Variants in HIVEP3 observed in about 807,000 individuals in gnomAD.
The protein encoded by HIVEP3 is transcription factor HIVEP3.
A neutral mutation model predicts 152.8 loss-of-function variants in HIVEP3; 49 were observed. The observed-to-expected ratio is 0.32, with a 90% confidence interval of 0.26 to 0.41. HIVEP3 has a LOEUF of 0.41. Among genes scored for constraint, HIVEP3 ranks in the 10% least tolerant of loss-of-function variants. The pLI is 1.00. For synonymous variants in HIVEP3, 1,269 were observed against 1,289.0 expected, an observed-to-expected ratio of 0.98 and a Z score of 0.33; for missense variants, 2,790 against 3,103.3, an observed-to-expected ratio of 0.90 and a Z score of 2.40.
chr1:41,959,918 G>A (rs1016407775), intron 1 of HIVEP3, among the ~76,000 whole-genome samples: 1 of 152,140 alleles, frequency 6.6e-6, no homozygotes, highest in Non-Finnish European at 1.5e-5. Context: ...TGGCAAGGGG[G>A]TATGACCATG....
chr1:41,807,939 G>A (rs1025025771), intron 1 of HIVEP3, among the ~76,000 whole-genome samples: 2 of 152,142 alleles, frequency 1.3e-5, no homozygotes, highest in Admixed American at 1.3e-4. Context: ...CTGTGAAGGA[G>A]GCACTCAGCA....
intron 1 of HIVEP3, among the ~76,000 whole-genome samples, chr1:41,967,264 C>T (rs1412243997): frequency 6.6e-6 from 1 of 152,184 alleles, no homozygotes; most frequent in Non-Finnish European, 1.5e-5. Flanking sequence ...CCCCACATGT[C>T]ACTTACTCTA....
chr1:41,577,783 C>T (rs1445237856), intron 4 of HIVEP3, among the ~76,000 whole-genome samples: 2 of 152,130 alleles, frequency 1.3e-5, no homozygotes, highest in Non-Finnish European at 2.9e-5. Flanking sequence ...AATTGGACTG[C>T]ATCATGAGAT....
intron 1 of HIVEP3, among the ~76,000 whole-genome samples, chr1:41,966,475 C>CTTT (rs58470482): frequency 0.017 from 1,622 of 95,790 alleles, 153 homozygotes; most frequent in African/African-American, 0.062. Context: ...GTGCTGTATT[C>CTTT]TTTTTTTTTT....
chr1:41,589,777 G>A (rs1230378202), intron 3 of HIVEP3, among the ~76,000 whole-genome samples: 4 of 152,198 alleles, frequency 2.6e-5, no homozygotes, highest in African/African-American at 9.7e-5. Context: ...CCCCAGGCTG[G>A]TGGGGCTTAA....
At chr1:41,975,581 A>C (rs1300004020) in intron 1 of HIVEP3, among the ~76,000 whole-genome samples, 1 of 152,250 alleles carries the variant, frequency 6.6e-6, no homozygotes, top group Non-Finnish European at 1.5e-5. Flanking sequence ...TTGGAAGTAC[A>C]AAAAACTTGA....
intron 1 of HIVEP3, among the ~76,000 whole-genome samples, chr1:41,887,800 C>T (rs1644369695): frequency 6.6e-6 from 1 of 152,180 alleles, no homozygotes; most frequent in African/African-American, 2.4e-5. Flanking sequence ...TGGTTTGATT[C>T]TTCTGGGTGT....
At chr1:41,826,742 G>C (rs1642816292) in intron 1 of HIVEP3, among the ~76,000 whole-genome samples, 1 of 152,194 alleles carries the variant, frequency 6.6e-6, no homozygotes, top group East Asian at 1.9e-4. Flanking sequence ...GTTGTGAGTT[G>C]TCTTACAGTT....
intron 3 of HIVEP3, among the ~76,000 whole-genome samples, chr1:41,605,183 G>GAGGGGAGGGAAGGGA (rs1644802714): frequency 1.7e-5 from 2 of 115,644 alleles, no homozygotes; most frequent in African/African-American, 6.4e-5. Flanking sequence ...GAGGGGAGGG[G>GAGGGGAGGGAAGGGA]AGGGAAGGGA....
intron 1 of HIVEP3, among the ~76,000 whole-genome samples, chr1:41,928,415 A>G (rs12085901): frequency 0.058 from 8,825 of 152,266 alleles, 801 homozygotes; most frequent in African/African-American, 0.19. Context: ...TAAAGATTGT[A>G]CAAGTTCCCA....
chr1:41,986,084 G>C (rs2124513222), intron 1 of HIVEP3, among the ~76,000 whole-genome samples: 1 of 152,276 alleles, frequency 6.6e-6, no homozygotes, highest in Admixed American at 6.5e-5. Context: ...ACATGATGTG[G>C]CTCAAGTCAT....
chr1:41,556,521 T>A (rs987184399), intron 5 of HIVEP3, among the ~76,000 whole-genome samples: 5 of 152,362 alleles, frequency 3.3e-5, no homozygotes, highest in Admixed American at 1.3e-4. Context: ...TCTTTACATA[T>A]TCTGGATATC....
At chr1:41,934,279 T>G (rs1025369548) in intron 1 of HIVEP3, among the ~76,000 whole-genome samples, 3 of 152,168 alleles carry the variant, frequency 2.0e-5, no homozygotes, top group African/African-American at 7.2e-5. Context: ...CTAGAGTTCA[T>G]TAAGCCAGAT....
At chr1:41,697,202 G>A (rs1646290081) in intron 2 of HIVEP3, among the ~76,000 whole-genome samples, 1 of 152,124 alleles carries the variant, frequency 6.6e-6, no homozygotes, top group African/African-American at 2.4e-5. Flanking sequence ...GGAAACCGAG[G>A]TACAGAGAAG....
intron 6 of HIVEP3, among the ~76,000 whole-genome samples, chr1:41,522,359 G>A (rs1642781128): frequency 6.6e-6 from 1 of 152,224 alleles, no homozygotes; most frequent in Non-Finnish European, 1.5e-5. Context: ...CCCTCTATTA[G>A]TCAAACAGTT....
intron 1 of HIVEP3, among the ~76,000 whole-genome samples, chr1:41,818,648 C>T (rs1000440405): frequency 3.3e-5 from 5 of 152,098 alleles, no homozygotes; most frequent in African/African-American, 1.2e-4. Context: ...ATTGGACATA[C>T]CATACCGAAT....
intron 2 of HIVEP3, among the ~76,000 whole-genome samples, chr1:41,666,025 C>T (rs1645791090): frequency 6.6e-6 from 1 of 152,156 alleles, no homozygotes; most frequent in Non-Finnish European, 1.5e-5. Context: ...AGGTCTTACA[C>T]TGACTTAGCA....
At chr1:41,735,901 G>A (rs1646910253) in intron 1 of HIVEP3, among the ~76,000 whole-genome samples, 1 of 152,160 alleles carries the variant, frequency 6.6e-6, no homozygotes, top group African/African-American at 2.4e-5. Flanking sequence ...AAGCAGGAGG[G>A]TGGGGGCTCT....
rs776299508 is a variant in HIVEP3 at position 41,584,411 on chromosome 1, G to A, written c.387C>T (p.Pro129=). The A allele has an allele frequency of 1.2e-5, 20 of 1,614,136 alleles. No homozygotes were observed. Among genetic ancestry groups the A allele is most frequent in the Non-Finnish European group, 1.7e-5 (20 of 1,179,992 alleles). Residue 129 remains proline, a synonymous_variant, in exon 4 of 9, where the codon CCC becomes CCT. Transcript: ENST00000372583. The surrounding 1 kb of genome is among the most constrained non-coding windows in gnomAD (Gnocchi z 5.2). ...WQLVDPMRPG[P]SGSFVAPGLH... ...GCCCAGGGGCCACGAAGGAGCCAGAGGGTCCAGGTCTCATGGGGTCAACCA... is the reference window on the plus strand; with the variant it reads ...GCCCAGGGGCCACGAAGGAGCCAGAAGGTCCAGGTCTCATGGGGTCAACCA...
Sources: gnomAD v4.1 joint callset for allele counts (sites outside exome capture counted in the v4.1 genomes callset) on GRCh38, gnomAD v4.1.1 for gene constraint, Gnocchi (gnomAD v3.1) non-coding constraint, MANE v1.5 for transcripts, NCBI Gene and HGNC (gene_info 2026-07-23, HGNC 2026-07-21) for gene names.